ZNF804A: variants seen among roughly 807,000 people sequenced by gnomAD.
The protein encoded by ZNF804A is zinc finger protein 804A.
ZNF804A carries 2 observed loss-of-function variants against 16.5 expected under a neutral mutation model. The ratio of observed to expected loss-of-function variants is 0.12; its 90% CI spans 0.05 to 0.38. ZNF804A has a LOEUF of 0.38. Among genes scored for constraint, ZNF804A ranks in the 10% least tolerant of loss-of-function variants. The pLI, the probability that ZNF804A is intolerant of heterozygous loss-of-function variation, is 0.99. For synonymous variants in ZNF804A, 534 were observed against 489.6 expected (o/e 1.09, Z -1.20); for missense variants, 1,473 against 1,390.7 (o/e 1.06, Z -0.94).
intron 1 of ZNF804A, among the ~76,000 whole-genome samples, chr2:184,607,292 T>C (rs904373756): frequency 1.3e-5 from 2 of 152,228 alleles, no homozygotes; most frequent in Admixed American, 6.5e-5. Flanking sequence ...CTCATGCTGC[T>C]ATAAGGACAT....
At chr2:184,730,454 TATA>T (rs1693495636) in intron 1 of ZNF804A, among the ~76,000 whole-genome samples, 1 of 152,200 alleles carries the variant, frequency 6.6e-6, no homozygotes, top group Non-Finnish European at 1.5e-5. Flanking sequence ...TTGACAAATG[TATA>T]ATGACAGGCA....
chr2:184,783,138 G>T (rs866064502), intron 1 of ZNF804A, among the ~76,000 whole-genome samples: 1,221 of 86,166 alleles, frequency 0.014, 39 homozygotes, highest in African/African-American at 0.046. Flanking sequence ...AAAAGAGTGA[G>T]TTTTTTTTTT....
At chr2:184,817,500 C>T (rs1199030141) in intron 1 of ZNF804A, among the ~76,000 whole-genome samples, 2 of 151,954 alleles carry the variant, frequency 1.3e-5, no homozygotes, top group Non-Finnish European at 2.9e-5. Context: ...AGTACCTCTC[C>T]TCCAAATGAC....
chr2:184,708,947 C>T (rs1445578239), intron 1 of ZNF804A, among the ~76,000 whole-genome samples: 2 of 152,088 alleles, frequency 1.3e-5, no homozygotes, highest in African/African-American at 4.8e-5. Flanking sequence ...ACCCTCGAAA[C>T]TCCATTGAGC....
chr2:184,650,496 A>G (rs542626986), intron 1 of ZNF804A, among the ~76,000 whole-genome samples: 133 of 152,224 alleles, frequency 8.7e-4, no homozygotes, highest in Non-Finnish European at 1.4e-3. Context: ...AAGGCAACCA[A>G]ATAAGATAAA....
chr2:184,638,000 G>A (rs1231956262), intron 1 of ZNF804A, among the ~76,000 whole-genome samples: 1 of 151,984 alleles, frequency 6.6e-6, no homozygotes. Context: ...AGTCAGTTAA[G>A]CTTGTCAGTA....
intron 1 of ZNF804A, among the ~76,000 whole-genome samples, chr2:184,746,269 G>A (rs1037321535): frequency 2.0e-5 from 3 of 151,344 alleles, no homozygotes; most frequent in Non-Finnish European, 3.0e-5. Flanking sequence ...GTGATACGAA[G>A]CACTAGACCT....
At chr2:184,735,513 G>A (rs1369782307) in intron 1 of ZNF804A, among the ~76,000 whole-genome samples, 1 of 152,100 alleles carries the variant, frequency 6.6e-6, no homozygotes, top group Non-Finnish European at 1.5e-5. Context: ...GATGGGTGCA[G>A]CAAACCACCA....
At chr2:184,675,870 C>T (rs1337709749) in intron 1 of ZNF804A, among the ~76,000 whole-genome samples, 2 of 151,480 alleles carry the variant, frequency 1.3e-5, no homozygotes, top group African/African-American at 4.8e-5. Flanking sequence ...AATATATTAT[C>T]ATTGAACTAG....
chr2:184,639,321 G>A (rs1188988860), intron 1 of ZNF804A, among the ~76,000 whole-genome samples: 14 of 151,748 alleles, frequency 9.2e-5, no homozygotes, highest in African/African-American at 1.7e-4. Context: ...TGATCCACCC[G>A]CCTCGGCCTC....
chr2:184,863,750 T>C (rs991665665), intron 1 of ZNF804A, among the ~76,000 whole-genome samples: 1 of 152,202 alleles, frequency 6.6e-6, no homozygotes, highest in Non-Finnish European at 1.5e-5. Flanking sequence ...ATTAGAATGT[T>C]ATCTCTGCCT....
rs371830667 is a variant in ZNF804A at position 184,771,006 on chromosome 2, C to T, written c.112-95363C>T. 2.3e-4 allele frequency among the ~76,000 whole-genome samples: 35 copies of T among 152,098 alleles called. 2 individuals carry two copies. The highest frequency in any genetic ancestry group is 7.9e-4 in the African/African-American group (33 of 41,540). On this transcript the variant is annotated intron_variant, in intron 1 of 3. Coordinates refer to ENST00000302277, the MANE Select transcript of ZNF804A (RefSeq NM_194250.2). ...TAACTCGAACACTACAAACAACTCTCATGTAAATCAACAACAAAATGGATA... is the reference window on the plus strand; with the variant it reads ...TAACTCGAACACTACAAACAACTCTTATGTAAATCAACAACAAAATGGATA...
At chr2:184,682,820 A>T (rs963722975) in intron 1 of ZNF804A, among the ~76,000 whole-genome samples, 3 of 152,138 alleles carry the variant, frequency 2.0e-5, no homozygotes, top group African/African-American at 7.2e-5. Flanking sequence ...CAGCCTGGGA[A>T]ACATGACAAA....
intron 1 of ZNF804A, among the ~76,000 whole-genome samples, chr2:184,771,848 T>C (rs1463810524): frequency 6.6e-6 from 1 of 151,982 alleles, no homozygotes; most frequent in Non-Finnish European, 1.5e-5. Flanking sequence ...TATAAAACAA[T>C]GTAATCTCAG....
chr2:184,894,026 A>G (rs1468847547), intron 2 of ZNF804A, among the ~76,000 whole-genome samples: 1 of 152,054 alleles, frequency 6.6e-6, no homozygotes, highest in Non-Finnish European at 1.5e-5. Flanking sequence ...TAATCATAAA[A>G]CCTTCCAATT....
At position 184,938,169 on chromosome 2, in the gene ZNF804A, A is replaced by G. The variant is rs1559009709; in HGVS notation, c.2773A>G (p.Thr925Ala). The G allele has an allele frequency of 1.2e-6, 2 of 1,614,154 alleles. No individual in the cohort carries two copies. Among genetic ancestry groups the G allele is most frequent in the Non-Finnish European group, 1.7e-6 (2 of 1,180,022 alleles). Reference protein sequence around the residue: ...TTSVCVASAPTKEAIDNTLLE... With the variant: ...TTSVCVASAPAKEAIDNTLLE... ...ATCTGTCTGTGTAGCTAGTGCCCCA[A>G]CAAAAGAAGCAATTGACAATACCCT... is the stretch of plus-strand genomic sequence containing the variant. Residue 925 changes from threonine to alanine, a missense_variant, in exon 4 of 4, where the codon ACA becomes GCA. By Grantham distance (58) the Thr-to-Ala change is moderately conservative. Coordinates refer to ENST00000302277, the MANE Select transcript of ZNF804A (RefSeq NM_194250.2).
At chr2:184,878,663 C>A (rs1684755143) in intron 2 of ZNF804A, among the ~76,000 whole-genome samples, 1 of 151,902 alleles carries the variant, frequency 6.6e-6, no homozygotes, top group African/African-American at 2.4e-5. Flanking sequence ...TCATTTTCTA[C>A]AACTCAGTGG....
At chr2:184,638,598 A>G (rs146892269) in intron 1 of ZNF804A, among the ~76,000 whole-genome samples, 1 of 152,336 alleles carries the variant, frequency 6.6e-6, no homozygotes, top group East Asian at 1.9e-4. Flanking sequence ...TAGTGAGTAT[A>G]TACATTTGGC....
chr2:184,735,050 T>C (rs981712639), intron 1 of ZNF804A, among the ~76,000 whole-genome samples: 1 of 152,162 alleles, frequency 6.6e-6, no homozygotes, highest in Non-Finnish European at 1.5e-5. Context: ...TACAGGTCTT[T>C]ATATTTAAAG....
Sources: allele counts gnomAD v4.1 joint callset (sites outside exome capture counted in the v4.1 genomes callset), GRCh38; gene constraint gnomAD v4.1.1; transcripts MANE v1.5; gene names NCBI Gene and HGNC (gene_info 2026-07-23, HGNC 2026-07-21).